Variants in FGF17 observed in about 807,000 individuals in gnomAD.
The protein encoded by FGF17 is fibroblast growth factor 17.
FGF17 carries 5 observed loss-of-function variants against 23.5 expected under a neutral mutation model. The ratio of observed to expected loss-of-function variants is 0.21; its 90% CI spans 0.11 to 0.45. The LOEUF (loss-of-function observed/expected upper bound fraction) is 0.45, where lower values mean the gene tolerates loss of function less well. Ranked by LOEUF, FGF17 falls within the 20% of genes least tolerant of loss-of-function variation. The pLI is 0.99. For synonymous variants in FGF17, 136 were observed against 123.0 expected, an observed-to-expected ratio of 1.11 and a Z score of -0.70; for missense variants, 221 against 306.9, an observed-to-expected ratio of 0.72 and a Z score of 2.09.
intron 1 of FGF17, 38 bp downstream of exon 1, chr8:22,043,001 AT>A: frequency 6.2e-7 from 1 of 1,610,352 alleles, no homozygotes; most frequent in Non-Finnish European, 8.5e-7. Flanking sequence ...TTTCGTTGCC[AT>A]TTCCAGCCTC....
At chr8:22,039,769 G>C (rs898675232), upstream of FGF17, among the ~76,000 whole-genome samples, 1 of 152,072 alleles carries the variant, frequency 6.6e-6, no homozygotes, top group African/African-American at 2.4e-5. Flanking sequence ...CATCCTCATT[G>C]CTAGGGTGCC....
intron 2 of FGF17, chr8:22,044,519 G>A: frequency 5.0e-6 from 1 of 198,318 alleles, no homozygotes; most frequent in Non-Finnish European, 9.1e-6. Flanking sequence ...TTCTGCTCCT[G>A]ACCTGGAACA....
At chr8:22,045,960 G>C (rs1382453943) in intron 2 of FGF17, 154 bp from the exon 3 acceptor site, 34 of 1,544,422 alleles carry the variant, frequency 2.2e-5, no homozygotes, top group Non-Finnish European at 2.9e-5. Flanking sequence ...TCACCCAGGG[G>C]CCTGGGAAGG....
At chr8:22,039,805 C>G (rs1311442331), upstream of FGF17, among the ~76,000 whole-genome samples, 2 of 152,074 alleles carry the variant, frequency 1.3e-5, no homozygotes, top group African/African-American at 4.8e-5. Flanking sequence ...TTTGCCCTTC[C>G]CCTGCCCCAA....
At chr8:22,043,913 C>A (rs1800792767) in intron 2 of FGF17, among the ~76,000 whole-genome samples, 1 of 152,140 alleles carries the variant, frequency 6.6e-6, no homozygotes, top group African/African-American at 2.4e-5. Flanking sequence ...AGGCCAGAGG[C>A]CCGCTTCTCT....
At chr8:22,046,950 A>ATTTTTTTTTTTTTTT (rs3038873) in intron 4 of FGF17, among the ~76,000 whole-genome samples, 6 of 120,574 alleles carry the variant, frequency 5.0e-5, no homozygotes, top group East Asian at 2.6e-4. Flanking sequence ...TGCCCAGCTA[A>ATTTTTTTTTTTTTTT]TTTTTTTTTT....
At chr8:22,045,718 G>GA (rs1007113810) in intron 2 of FGF17, 2 of 1,121,844 alleles carry the variant, frequency 1.8e-6, no homozygotes. Context: ...AGTTCTGGGG[G>GA]AGATGACAGG....
chr8:22,046,755 T>A, intron 4 of FGF17, 122 bp downstream of exon 4: 1 of 683,058 alleles, frequency 1.5e-6, no homozygotes, highest in Non-Finnish European at 2.5e-6. Context: ...CTTCCCATCC[T>A]ACTCTCAGCC....
chr8:22,047,890 G>T, intron 4 of FGF17, 66 bp from the exon 5 acceptor site: 18 of 1,511,360 alleles, frequency 1.2e-5, no homozygotes, highest in Non-Finnish European at 1.6e-5. Context: ...AAAATAGGCC[G>T]TAAGGGCGAC....
At chr8:22,047,525 C>T (rs1415959978) in intron 4 of FGF17, among the ~76,000 whole-genome samples, 1 of 152,232 alleles carries the variant, frequency 6.6e-6, no homozygotes, top group Non-Finnish European at 1.5e-5. Flanking sequence ...GCACAGACCC[C>T]TGATTGCAGA....
intron 2 of FGF17, chr8:22,045,067 T>C (rs183492342): frequency 2.0e-6 from 2 of 985,510 alleles, no homozygotes; most frequent in Admixed American, 1.2e-4. Flanking sequence ...CCAGGAAACC[T>C]AGCCCGGGTC....
upstream of FGF17, chr8:22,042,617 G>C: frequency 1.7e-6 from 1 of 576,204 alleles, no homozygotes; most frequent in South Asian, 2.1e-5. Context: ...CTCCATCCCT[G>C]CACTGGGTGG....
In FGF17 at chr8:22,046,143, C is replaced by T; in HGVS notation, c.102C>T (p.Asn34=). The change falls in exon 3 of 5, where the codon AAC becomes AAT. Residue 34 remains asparagine (N), a synonymous_variant. Transcript: ENST00000359441. ...QGENHPSPNF[N]QYVRDQGAMT... Reference sequence around the variant, plus strand: ...AGAATCACCCGTCTCCTAATTTTAACCAGTACGTGAGGGACCAGGGCGCCA... The same window carrying T: ...AGAATCACCCGTCTCCTAATTTTAATCAGTACGTGAGGGACCAGGGCGCCA... 1 of 1,614,202 alleles carries T rather than the reference C, an allele frequency of 6.2e-7. No individual in the cohort carries two copies. The highest frequency in any genetic ancestry group is 1.1e-5 in the South Asian group (1 of 91,088).
chr8:22,044,775 G>A (rs111776435), intron 2 of FGF17: 15,224 of 985,408 alleles, frequency 0.015, 124 homozygotes, highest in South Asian at 0.037. Context: ...TGTTAACCCC[G>A]CGCAGGTTAA....
chr8:22,039,947 TG>T (rs34551861), upstream of FGF17, among the ~76,000 whole-genome samples: 2 of 152,158 alleles, frequency 1.3e-5, no homozygotes, highest in East Asian at 1.9e-4. Context: ...CGACCCCAGC[TG>T]GGGGGTGTTG....
chr8:22,046,423 C>T, intron 3 of FGF17, 104 bp from the exon 4 acceptor site: 1 of 1,417,558 alleles, frequency 7.1e-7, no homozygotes, highest in Non-Finnish European at 9.7e-7. Context: ...GTCCCCAACC[C>T]CTTCGCCTGA....
At chr8:22,043,421 C>T (rs1800778658) in intron 2 of FGF17, among the ~76,000 whole-genome samples, 1 of 152,210 alleles carries the variant, frequency 6.6e-6, no homozygotes, top group Non-Finnish European at 1.5e-5. Flanking sequence ...TGGGTCTCTG[C>T]TCCTCTTCCT....
intron 2 of FGF17, chr8:22,044,448 G>A (rs1433693734): frequency 6.6e-6 from 1 of 152,086 alleles, no homozygotes; most frequent in East Asian, 1.9e-4. Context: ...GGGGGCGTGG[G>A]GCTGCTTTTG....
At chr8:22,041,348 G>A (rs531774376), upstream of FGF17, among the ~76,000 whole-genome samples, 10 of 152,228 alleles carry the variant, frequency 6.6e-5, 1 homozygote, top group African/African-American at 2.2e-4. Flanking sequence ...AGGTGAGAAG[G>A]GACCCACAGG....
Sources: allele counts gnomAD v4.1 joint callset (sites outside exome capture counted in the v4.1 genomes callset), GRCh38; gene constraint gnomAD v4.1.1; transcripts MANE v1.5; gene names NCBI Gene and HGNC (gene_info 2026-07-23, HGNC 2026-07-21).